CWC27: variants seen among roughly 807,000 people sequenced by gnomAD.
The protein encoded by CWC27 is CWC27 spliceosome associated cyclophilin, also known as spliceosome-associated protein CWC27 homolog.
CWC27 carries 47 observed loss-of-function variants against 63.6 expected under a neutral mutation model. The ratio of observed to expected loss-of-function variants is 0.74; its 90% CI spans 0.58 to 0.94. The LOEUF (loss-of-function observed/expected upper bound fraction) is 0.94. Among genes scored for constraint, CWC27 ranks in the 40% least tolerant of loss-of-function variants. The probability of loss-of-function intolerance (pLI) is 0.00; values close to 1 mark genes in which losing one functional copy is unlikely to be tolerated. For synonymous variants in CWC27, 175 were observed against 179.8 expected (o/e 0.97, Z 0.22); for missense variants, 495 against 554.3 (o/e 0.89, Z 1.07).
chr5:64,923,618 G>A (rs997201043), intron 11 of CWC27, among the ~76,000 whole-genome samples: 22 of 138,286 alleles, frequency 1.6e-4, no homozygotes, highest in African/African-American at 5.5e-4. Context: ...GTATCTAGTC[G>A]GCCGTCTTTG....
At chr5:64,904,991 A>T (rs1235559764) in intron 11 of CWC27, among the ~76,000 whole-genome samples, 1 of 152,108 alleles carries the variant, frequency 6.6e-6, no homozygotes, top group Admixed American at 6.5e-5. Context: ...ACCTGAGGTC[A>T]GGAGTTTGAG....
intron 11 of CWC27, among the ~76,000 whole-genome samples, chr5:64,928,404 A>T (rs1748163780): frequency 6.6e-6 from 1 of 152,228 alleles, no homozygotes; most frequent in Admixed American, 6.5e-5. Context: ...ATTGTCAAAA[A>T]GTTTTCTTCT....
At chr5:64,799,824 G>C (rs1041792763) in intron 7 of CWC27, among the ~76,000 whole-genome samples, 2 of 151,596 alleles carry the variant, frequency 1.3e-5, no homozygotes, top group Non-Finnish European at 2.9e-5. Context: ...CTTATCTTTT[G>C]CTTGAGTAAC....
At chr5:64,951,455 A>G (rs533120021) in intron 11 of CWC27, among the ~76,000 whole-genome samples, 4 of 152,096 alleles carry the variant, frequency 2.6e-5, no homozygotes, top group Admixed American at 2.0e-4. Context: ...TATTCTAGCT[A>G]CAAGTCCTTT....
At chr5:64,934,750 C>T (rs1748310042) in intron 11 of CWC27, among the ~76,000 whole-genome samples, 1 of 152,212 alleles carries the variant, frequency 6.6e-6, no homozygotes, top group Non-Finnish European at 1.5e-5. Flanking sequence ...TTCTCCACAT[C>T]CTCTCCAGCA....
At chr5:64,847,644 C>G (rs73103381) in intron 10 of CWC27, among the ~76,000 whole-genome samples, 1,651 of 152,130 alleles carry the variant, frequency 0.011, 25 homozygotes, top group African/African-American at 0.038. Context: ...TAAGCCCCAG[C>G]AAATTTAAGA....
chr5:64,832,980 T>A (rs1253331942), intron 10 of CWC27, among the ~76,000 whole-genome samples: 3 of 151,790 alleles, frequency 2.0e-5, no homozygotes, highest in African/African-American at 4.8e-5. Flanking sequence ...TCTGCCGAGC[T>A]ATGAAATCTA....
intron 4 of CWC27, among the ~76,000 whole-genome samples, chr5:64,784,960 A>G (rs1300987279): frequency 6.6e-6 from 1 of 152,196 alleles, no homozygotes; most frequent in Non-Finnish European, 1.5e-5. Context: ...TATATAACTA[A>G]CACATCAGAG....
chr5:64,802,902 A>G (rs986843879), intron 9 of CWC27, among the ~76,000 whole-genome samples: 3 of 152,206 alleles, frequency 2.0e-5, no homozygotes, highest in Non-Finnish European at 4.4e-5. Context: ...GTGAGTGACT[A>G]AAACTGTGAA....
intron 11 of CWC27, among the ~76,000 whole-genome samples, chr5:64,945,115 T>C (rs959388498): frequency 3.3e-5 from 5 of 152,154 alleles, no homozygotes; most frequent in African/African-American, 4.8e-5. Flanking sequence ...CCTCCAGATG[T>C]TCACATGGCT....
chr5:64,917,935 TAC>T (rs766358959), intron 11 of CWC27, among the ~76,000 whole-genome samples: 13 of 150,818 alleles, frequency 8.6e-5, no homozygotes, highest in African/African-American at 1.9e-4. Flanking sequence ...GAGAGATACA[TAC>T]ACACACACAC....
In CWC27 at chr5:64,815,340, C is replaced by G. The variant is rs1312479954; in HGVS notation, c.938+10954C>G. 2.6e-5 allele frequency among the ~76,000 whole-genome samples: 4 copies of G among 152,168 alleles called. No homozygotes were observed. In the East Asian group the frequency reaches 7.7e-4, roughly 29 times the overall value. Reference sequence around the variant, plus strand: ...TAGGCCTGGGATGAAGGAACAGCTCCTCTCTGAAATGTGCTACTCTCATGG... The same window carrying G: ...TAGGCCTGGGATGAAGGAACAGCTCGTCTCTGAAATGTGCTACTCTCATGG... On this transcript the variant is annotated intron_variant, in intron 10 of 13. Transcript: ENST00000381070.
At chr5:64,891,043 A>T (rs185619101) in intron 11 of CWC27, among the ~76,000 whole-genome samples, 1 of 152,194 alleles carries the variant, frequency 6.6e-6, no homozygotes, top group Non-Finnish European at 1.5e-5. Flanking sequence ...CAAGAACATA[A>T]GAGTCAAATA....
At chr5:64,791,750 G>A (rs1744087127) in intron 7 of CWC27, among the ~76,000 whole-genome samples, 2 of 152,154 alleles carry the variant, frequency 1.3e-5, no homozygotes, top group South Asian at 4.1e-4. Flanking sequence ...AAGCCCTGGG[G>A]AAGTCTTAAC....
At chr5:65,008,042 A>G (rs939726896) in intron 13 of CWC27, among the ~76,000 whole-genome samples, 2 of 152,218 alleles carry the variant, frequency 1.3e-5, no homozygotes, top group South Asian at 2.1e-4. Flanking sequence ...GTCACATAGT[A>G]TATTTGTATG....
chr5:64,939,622 T>C (rs141032580), intron 11 of CWC27, among the ~76,000 whole-genome samples: 2,549 of 152,274 alleles, frequency 0.017, 68 homozygotes, highest in African/African-American at 0.059. Flanking sequence ...AGGCAGTCTG[T>C]CCCTTAGCAG....
intron 13 of CWC27, among the ~76,000 whole-genome samples, chr5:65,009,574 G>C (rs1030641003): frequency 7.9e-5 from 12 of 152,174 alleles, no homozygotes; most frequent in Non-Finnish European, 2.9e-5. Context: ...AGGTTTAAAT[G>C]AGGTCATGAG....
chr5:64,872,230 T>A (rs888286512), intron 10 of CWC27, among the ~76,000 whole-genome samples: 1 of 152,140 alleles, frequency 6.6e-6, no homozygotes, highest in Non-Finnish European at 1.5e-5. Context: ...TAGATGTGAC[T>A]CAAACAGAAT....
chr5:64,940,493 T>TG (rs896643113), intron 11 of CWC27, among the ~76,000 whole-genome samples: 2 of 152,144 alleles, frequency 1.3e-5, no homozygotes, highest in African/African-American at 4.8e-5. Context: ...CAGTTGGAAA[T>TG]GCAGAAATCA....
Sources: gnomAD v4.1 joint callset for allele counts (sites outside exome capture counted in the v4.1 genomes callset) on GRCh38, gnomAD v4.1.1 for gene constraint, MANE v1.5 for transcripts, NCBI Gene and HGNC (gene_info 2026-07-23, HGNC 2026-07-21) for gene names.